Variants in GUF1 observed in about 807,000 individuals in gnomAD.
The protein encoded by GUF1 is GTP binding elongation factor GUF1, also known as translation factor GUF1, mitochondrial.
In GUF1, 78 loss-of-function variants were observed where a neutral mutation model predicts 82.4. The ratio of observed to expected loss-of-function variants is 0.95; its 90% confidence interval spans 0.79 to 1.14. The LOEUF (loss-of-function observed/expected upper bound fraction) is 1.14, where lower values mean the gene tolerates loss of function less well. Ranked by LOEUF, GUF1 falls within the 50% of genes most tolerant of loss-of-function variation. The pLI, the probability that GUF1 is intolerant of heterozygous loss-of-function variation, is 0.00. For synonymous variants in GUF1, 279 were observed against 282.3 expected, an observed-to-expected ratio of 0.99 and a Z score of 0.12; for missense variants, 814 against 798.2, an observed-to-expected ratio of 1.02 and a Z score of -0.24.
At chr4:44,692,430 G>T (rs906634335) in intron 13 of GUF1, among the ~76,000 whole-genome samples, 1 of 151,424 alleles carries the variant, frequency 6.6e-6, no homozygotes, top group Non-Finnish European at 1.5e-5. Flanking sequence ...TTGTTGTTGG[G>T]GCATATAACT....
At chr4:44,679,564 T>C (rs1714644185) in intron 1 of GUF1, among the ~76,000 whole-genome samples, 1 of 152,220 alleles carries the variant, frequency 6.6e-6, no homozygotes, top group Non-Finnish European at 1.5e-5. Flanking sequence ...GATGGTGCAA[T>C]TCTCTATACC....
chr4:44,681,020 A>G (rs986995966), intron 3 of GUF1, 103 bp from the exon 4 acceptor site: 11 of 1,185,414 alleles, frequency 9.3e-6, no homozygotes, highest in African/African-American at 9.2e-5. Context: ...AAAAGAAACG[A>G]ATATTTAACA....
At chr4:44,687,858 G>A in intron 8 of GUF1, 149 bp from the exon 9 acceptor site, 1 of 619,170 alleles carries the variant, frequency 1.6e-6, no homozygotes, top group Non-Finnish European at 2.7e-6. Context: ...AAGCTTCAGA[G>A]TTTGATAATT....
chr4:44,689,212 C>T lies in GUF1; in HGVS notation c.1079-74C>T. 3.1e-6 allele frequency: 4 copies of T among 1,286,146 alleles called. No individual in the cohort carries two copies. The East Asian group carries it at 8.4e-5, about 27-fold the overall frequency. 79.7% of individuals were successfully genotyped at this position (1,286,146 alleles called of 1,614,324 possible). A position where few individuals can be genotyped will look rare whatever the true frequency, so the allele number is the denominator to read the frequency against. On this transcript the variant is annotated intron_variant, in intron 9 of 16. Coordinates refer to ENST00000281543, the MANE Select transcript of GUF1 (RefSeq NM_021927.3). The stretch of plus-strand genomic sequence containing the variant: ...GGTAAATGACTAATTTGGAACTTGG[C>T]AGCACTACACATGTGGTTTGATAGG...
chr4:44,683,415 C>A (rs1714883095), intron 6 of GUF1, 97 bp downstream of exon 6: 2 of 638,160 alleles, frequency 3.1e-6, no homozygotes, highest in Non-Finnish European at 5.3e-6. Context: ...GCATTATATG[C>A]TGTTTTTTAT....
chr4:44,686,554 A>T lies in GUF1; in HGVS notation c.779A>T (p.Asp260Val). Reference protein sequence around the residue: ...RKNPLRALVFDSTFDQYRGVI... With the variant: ...RKNPLRALVFVSTFDQYRGVI... Reference sequence around the variant, plus strand: ...AATCCTCTGAGAGCTTTGGTATTTGACTCCACCTTTGACCAGTATAGAGGT... The same window carrying T: ...AATCCTCTGAGAGCTTTGGTATTTGTCTCCACCTTTGACCAGTATAGAGGT... Residue 260 changes from aspartate to valine, a missense_variant, in exon 8 of 17, where the codon GAC becomes GTC. Coordinates refer to ENST00000281543, the MANE Select transcript of GUF1 (RefSeq NM_021927.3). 1 of 1,612,122 alleles carries T rather than the reference A, an allele frequency of 6.2e-7. No homozygotes were observed. The highest frequency in any genetic ancestry group is 8.5e-7 in the Non-Finnish European group (1 of 1,178,712).
At position 44,681,201 on chromosome 4, in the gene GUF1, G is replaced by A; in HGVS notation, c.505G>A (p.Glu169Lys). 1 of 1,606,894 alleles carries A rather than the reference G, an allele frequency of 6.2e-7. No homozygotes were observed. Among genetic ancestry groups the A allele is most frequent in the Non-Finnish European group, 8.5e-7 (1 of 1,173,742 alleles). The change falls in exon 4 of 17, where the codon GAG becomes AAG. Residue 169 changes from glutamate (E) to lysine (K), a missense_variant and splice_region_variant. By Grantham distance (56) the Glu-to-Lys change is moderately conservative (BLOSUM62 1). Transcript: ENST00000281543. ...QGVLLVVDAN[E>K]GIQAQTVANF... is the part of the protein sequence containing the mutation. ...TGTTTTACTTGTGGTTGATGCAAAT[G>A]AGGTAGGTATTTTTCATTTTGTATG...
chr4:44,692,951 T>C (rs1715540358), intron 13 of GUF1, among the ~76,000 whole-genome samples: 1 of 152,038 alleles, frequency 6.6e-6, no homozygotes, highest in Non-Finnish European at 1.5e-5. Context: ...GAATTATAAG[T>C]GGTCTTAAAA....
chr4:44,678,723 C>A lies in GUF1; in HGVS notation c.101C>A (p.Pro34Gln), dbSNP rs757856822. 3.3e-6 allele frequency: 5 copies of A among 1,518,400 alleles called. No homozygotes were observed. The highest frequency in any genetic ancestry group is 3.5e-6 in the Non-Finnish European group (4 of 1,146,244). The allele number at this position is 1,518,400 out of a possible 1,614,324, so 94.1% of individuals were successfully genotyped here. ...LLVAPGPRSAPTLGAAPESWA... is the reference protein window; with the variant it reads ...LLVAPGPRSAQTLGAAPESWA... ...GTGGCCCCGGGGCCCCGGTCCGCGCCGACCCTTGGGGCTGCTCCAGAGTCC... is the reference window on the plus strand; with the variant it reads ...GTGGCCCCGGGGCCCCGGTCCGCGCAGACCCTTGGGGCTGCTCCAGAGTCC... The change falls in exon 1 of 17, where the codon CCG (proline) becomes CAG (glutamine). Residue 34 changes from proline to glutamine, a missense_variant. Coordinates refer to ENST00000281543, the MANE Select transcript of GUF1 (RefSeq NM_021927.3).
Position 44,689,874 on chromosome 4 carries a change from G to T in GUF1, c.1234G>T (p.Val412Phe). Residue 412 changes from valine (V) to phenylalanine (F), a missense_variant, in exon 11 of 17, where the codon GTT (valine) becomes TTT (phenylalanine). Val to Phe is a conservative substitution (Grantham distance 50). Coordinates refer to ENST00000281543, the MANE Select transcript of GUF1 (RefSeq NM_021927.3). ...ATTTCTTGGACTTTTGCACATGGAA[G>T]TTTTCAACCAGCGACTGGAGCAAGA... is the stretch of plus-strand genomic sequence containing the variant. Reference protein sequence around the residue: ...LGFLGLLHMEVFNQRLEQEYN... With the variant: ...LGFLGLLHMEFFNQRLEQEYN... 2 of 1,604,884 alleles carry T rather than the reference G, an allele frequency of 1.2e-6. No individual in the cohort carries two copies. The highest frequency in any genetic ancestry group is 1.1e-5 in the South Asian group (1 of 90,070).
chr4:44,686,001 G>A lies in GUF1; in HGVS notation c.712G>A (p.Ala238Thr). Reference sequence around the variant, plus strand: ...AACAAATGTTGAGAGTGTTCTTCAGGCAATTATTGAAAGAATCCCCCCGTG... The same window carrying A: ...AACAAATGTTGAGAGTGTTCTTCAGACAATTATTGAAAGAATCCCCCCGTG... Reference protein sequence around the residue: ...LGTNVESVLQAIIERIPPPKV... With the variant: ...LGTNVESVLQTIIERIPPPKV... Residue 238 changes from alanine (A) to threonine (T), a missense_variant, in exon 7 of 17, where the codon GCA becomes ACA. Coordinates refer to ENST00000281543, the MANE Select transcript of GUF1 (RefSeq NM_021927.3). 6.2e-7 allele frequency: 1 copy of A among 1,606,274 alleles called. No individual in the cohort carries two copies. Among genetic ancestry groups the A allele is most frequent in the Non-Finnish European group, 8.5e-7 (1 of 1,174,212 alleles).
chr4:44,690,034 T>G, intron 11 of GUF1, 59 bp downstream of exon 11: 2 of 1,327,342 alleles, frequency 1.5e-6, no homozygotes, highest in Non-Finnish European at 2.0e-6. Flanking sequence ...TTGGAAAAAA[T>G]AAATGTGTGT....
intron 13 of GUF1, among the ~76,000 whole-genome samples, chr4:44,692,019 C>T (rs1162902325): frequency 2.0e-5 from 3 of 151,698 alleles, no homozygotes; most frequent in African/African-American, 7.3e-5. Context: ...TATTATCTAA[C>T]TTTTATTTCT....
At position 44,686,794 on chromosome 4, in the gene GUF1, G is replaced by A. The variant is rs375462078; in HGVS notation, c.938+81G>A. 4 of 909,310 alleles carry A rather than the reference G, an allele frequency of 4.4e-6. No individual in the cohort carries two copies. In the African/African-American group the frequency reaches 6.6e-5, roughly 15 times the overall value. The allele number at this position is 909,310 out of a possible 1,614,324, so 56.3% of individuals were successfully genotyped here. ...CATTTTTCTCAACTTGGTATGCTTA[G>A]AATGATCCTCATTTGGTAACTTAAA... On this transcript the variant is annotated intron_variant, in intron 8 of 16. Transcript: ENST00000281543.
rs774371244 is a variant in GUF1, at chr4:44,698,731, CAGAA to C, written c.*56_*59del. ...ATTGCAATTTGTAATATGCTGACAA[CAGAA>C]AGAAAATTATAAAATTTGCTTGTTA... On this transcript the variant is annotated 3_prime_UTR_variant, in exon 17 of 17. Coordinates refer to ENST00000281543, the MANE Select transcript of GUF1 (RefSeq NM_021927.3). 2 of 1,491,350 alleles carry C rather than the reference CAGAA, an allele frequency of 1.3e-6. No homozygotes were observed. The highest frequency in any genetic ancestry group is 2.3e-5 in the East Asian group (1 of 43,358). The allele number at this position is 1,491,350 out of a possible 1,614,324, so 92.4% of individuals were successfully genotyped here.
chr4:44,697,618 T>A (rs1156309677), intron 16 of GUF1, among the ~76,000 whole-genome samples, 174 bp downstream of exon 16: 1 of 152,144 alleles, frequency 6.6e-6, no homozygotes, highest in South Asian at 2.1e-4. Flanking sequence ...TTTGCCCATA[T>A]CTTTTAAGTA....
chr4:44,679,036 C>T (rs998894728), intron 1 of GUF1, among the ~76,000 whole-genome samples: 1 of 152,182 alleles, frequency 6.6e-6, no homozygotes, highest in Non-Finnish European at 1.5e-5. Context: ...GATTTGTTTA[C>T]GCGAGCCACT....
chr4:44,686,778 C>T, intron 8 of GUF1, 65 bp downstream of exon 8: 2 of 1,091,534 alleles, frequency 1.8e-6, no homozygotes, highest in Non-Finnish European at 2.8e-6. Context: ...GCATTTTTCT[C>T]AACTTGGTAT....
intron 14 of GUF1, among the ~76,000 whole-genome samples, chr4:44,695,386 G>A (rs1249965818): frequency 6.6e-6 from 1 of 152,154 alleles, no homozygotes; most frequent in African/African-American, 2.4e-5. Flanking sequence ...AGAGAATCAA[G>A]AACAGTTTCT....
Sources: allele counts gnomAD v4.1 joint callset (sites outside exome capture counted in the v4.1 genomes callset), GRCh38; gene constraint gnomAD v4.1.1; transcripts MANE v1.5; gene names NCBI Gene and HGNC (gene_info 2026-07-23, HGNC 2026-07-21).